The following TEX11 variants were observed in gnomAD, a reference collection of about 807,000 sequenced individuals.
TEX11 encodes the protein testis-expressed protein 11.
In TEX11, 7 loss-of-function variants were observed where a neutral mutation model predicts 84.4. The observed-to-expected ratio is 0.08, with a 90% CI of 0.05 to 0.16. TEX11 has a LOEUF of 0.16. Among genes scored for constraint, TEX11 ranks in the 10% least tolerant of loss-of-function variants. The probability of loss-of-function intolerance (pLI) is 1.00; values close to 1 mark genes in which losing one functional copy is unlikely to be tolerated. For synonymous variants in TEX11, 264 were observed against 222.8 expected (o/e 1.18, Z -1.64); for missense variants, 551 against 660.5 (o/e 0.83, Z 1.82).
chrX:70,603,640 G>A (rs892387531), intron 24 of TEX11, among the ~76,000 whole-genome samples: 12 of 111,540 alleles, frequency 1.1e-4, no homozygotes, highest in Non-Finnish European at 1.7e-4. Context: ...ACATAGGCAT[G>A]GGCAAGGACT....
At chrX:70,571,609 G>T (rs1185386568) in intron 25 of TEX11, among the ~76,000 whole-genome samples, 1 of 111,730 alleles carries the variant, frequency 9.0e-6, no homozygotes, top group Non-Finnish European at 1.9e-5. Flanking sequence ...GGGTTATTTA[G>T]AAATGTTTCT....
At chrX:70,693,318 A>G (rs1248037457) in intron 13 of TEX11, among the ~76,000 whole-genome samples, 5 of 111,707 alleles carry the variant, frequency 4.5e-5, no homozygotes, top group African/African-American at 1.6e-4. Context: ...CTATCCTAAT[A>G]GGTGTGAGGT....
At chrX:70,524,065 C>T (rs2087801751), downstream of TEX11, among the ~76,000 whole-genome samples, 1 of 111,650 alleles carries the variant, frequency 9.0e-6, no homozygotes, top group Non-Finnish European at 1.9e-5. Flanking sequence ...ACAAAAATCA[C>T]TCATGACATT....
intron 9 of TEX11, among the ~76,000 whole-genome samples, chrX:70,782,340 A>G (rs2091044837): frequency 9.0e-6 from 1 of 111,348 alleles, no homozygotes; most frequent in Non-Finnish European, 1.9e-5. Flanking sequence ...GAAAGGAACA[A>G]CTGGTACCAG....
At chrX:70,863,541 A>T (rs2091581746) in intron 4 of TEX11, among the ~76,000 whole-genome samples, 1 of 111,723 alleles carries the variant, frequency 9.0e-6, no homozygotes, top group Admixed American at 9.6e-5. Flanking sequence ...ATCAACAAAA[A>T]GGACCCCCAC....
intron 8 of TEX11, among the ~76,000 whole-genome samples, chrX:70,824,096 C>T (rs2091332370): frequency 8.9e-6 from 1 of 111,819 alleles, no homozygotes; most frequent in Non-Finnish European, 1.9e-5. Flanking sequence ...CACCCTTTAT[C>T]TCCCACTGAA....
chrX:70,841,383 C>G (rs1172686226), intron 7 of TEX11, among the ~76,000 whole-genome samples: 14 of 111,041 alleles, frequency 1.3e-4, no homozygotes, highest in South Asian at 3.9e-4. Flanking sequence ...AATGACTACT[C>G]GGTACATAAT....
At chrX:70,905,051 A>G (rs1214024085) in intron 2 of TEX11, among the ~76,000 whole-genome samples, 1 of 112,336 alleles carries the variant, frequency 8.9e-6, no homozygotes, top group Non-Finnish European at 1.9e-5. Context: ...GGCCAGGAGC[A>G]GTGGCTCTCA....
intron 9 of TEX11, among the ~76,000 whole-genome samples, chrX:70,757,872 G>A (rs1358804516): frequency 9.0e-6 from 1 of 111,236 alleles, no homozygotes; most frequent in African/African-American, 3.3e-5. Flanking sequence ...GTATTCAGGA[G>A]ACCCATCTCA....
At chrX:70,567,801 TG>T (rs772117034) in intron 25 of TEX11, among the ~76,000 whole-genome samples, 40 of 111,775 alleles carry the variant, frequency 3.6e-4, no homozygotes, top group Non-Finnish European at 6.0e-4. Context: ...CTTTTACATT[TG>T]CTGAGGAGAG....
chrX:70,803,022 C>G (rs1232693839), intron 9 of TEX11, among the ~76,000 whole-genome samples: 2 of 111,679 alleles, frequency 1.8e-5, no homozygotes, highest in Non-Finnish European at 3.8e-5. Flanking sequence ...GGAAATTTCT[C>G]TATCAACAAT....
At chrX:70,750,921 T>TAAAAAAA (rs1181422597) in intron 9 of TEX11, among the ~76,000 whole-genome samples, 3 of 35,369 alleles carry the variant, frequency 8.5e-5, no homozygotes, top group African/African-American at 2.9e-4. Flanking sequence ...TAAAGTATAA[T>TAAAAAAA]AAAAAAAAAA....
chrX:70,680,701 C>A (rs1173497568), intron 14 of TEX11, among the ~76,000 whole-genome samples: 5 of 111,543 alleles, frequency 4.5e-5, no homozygotes. Context: ...TTTTCATCAT[C>A]AATTTTAGGT....
At chrX:70,785,330 A>G (rs764431613) in intron 9 of TEX11, among the ~76,000 whole-genome samples, 2 of 112,119 alleles carry the variant, frequency 1.8e-5, no homozygotes, top group South Asian at 7.3e-4. Context: ...TTAATTCAAG[A>G]TGGATTAAAT....
intron 8 of TEX11, among the ~76,000 whole-genome samples, chrX:70,824,523 G>A (rs2091334620): frequency 9.0e-6 from 1 of 110,856 alleles, no homozygotes; most frequent in South Asian, 3.8e-4. Context: ...CCCACAGGAT[G>A]GGGCAAACTC....
In TEX11 at chrX:70,605,535, G is replaced by A; in HGVS notation, c.1951-18C>T. 1.9e-6 allele frequency: 2 copies of A among 1,038,590 alleles called. No individual in the cohort carries two copies. Among genetic ancestry groups the A allele is most frequent in the Non-Finnish European group, 1.3e-6 (1 of 744,713 alleles). The allele number at this position is 1,038,590 out of a possible 1,213,427, so 85.6% of individuals were successfully genotyped here. ...TGGGACATCTGATAAGAAGTAACCA[G>A]AACATCAATGAATAGTGAGAATTCT... On this transcript the variant is annotated intron_variant, in intron 23 of 29. Coordinates refer to ENST00000374333, the MANE Select transcript of TEX11 (RefSeq NM_031276.3).
chrX:70,807,653 A>C lies in TEX11; in HGVS notation c.607-863T>G, dbSNP rs6653308. Among the ~76,000 whole-genome samples the C allele has an allele frequency of 7.1e-3, 798 of 111,790 alleles. 7 individuals carry two copies. Among genetic ancestry groups the C allele is most frequent in the African/African-American group, 0.025 (766 of 30,788 alleles). The stretch of plus-strand genomic sequence containing the variant: ...AGTAAGACTACAGAAGCAGATCCTC[A>C]ACTAAGAATCCAAGATCTGAAGCAA... On this transcript the variant is annotated intron_variant, in intron 8 of 29. Transcript: ENST00000374333.
At chrX:70,661,269 C>T (rs369776906) in intron 16 of TEX11, among the ~76,000 whole-genome samples, 6 of 112,447 alleles carry the variant, frequency 5.3e-5, no homozygotes, top group South Asian at 3.7e-4. Flanking sequence ...CACAGAGCCT[C>T]GCTCATTGCT....
chrX:70,780,557 G>C (rs1216255488), intron 9 of TEX11, among the ~76,000 whole-genome samples: 1 of 112,135 alleles, frequency 8.9e-6, no homozygotes, highest in Non-Finnish European at 1.9e-5. Context: ...TCCTAGCCAA[G>C]GGAAGCTGTG....
Sources: allele counts gnomAD v4.1 joint callset (sites outside exome capture counted in the v4.1 genomes callset), GRCh38; gene constraint gnomAD v4.1.1; transcripts MANE v1.5; gene names NCBI Gene and HGNC (gene_info 2026-07-23, HGNC 2026-07-21).